The following CACNA1A variants were observed in gnomAD, a reference collection of about 807,000 sequenced individuals.
The protein encoded by CACNA1A is calcium voltage-gated channel subunit alpha1 A, also known as voltage-dependent P/Q-type calcium channel subunit alpha-1A.
CACNA1A carries 57 observed loss-of-function variants against 262.4 expected under a neutral mutation model. That is an observed-to-expected ratio of 0.22 (90% CI 0.18 to 0.27). The LOEUF (loss-of-function observed/expected upper bound fraction) is 0.27. Ranked by LOEUF, CACNA1A falls within the 10% of genes least tolerant of loss-of-function variation. The pLI, the probability that CACNA1A is intolerant of heterozygous loss-of-function variation, is 1.00. For synonymous variants in CACNA1A, 1,431 were observed against 1,419.3 expected (o/e 1.01, Z -0.18); for missense variants, 2,526 against 3,562.8 (o/e 0.71, Z 7.41).
chr19:13,466,544 T>C (rs1370110344), intron 1 of CACNA1A, among the ~76,000 whole-genome samples: 3 of 152,126 alleles, frequency 2.0e-5, no homozygotes, highest in Non-Finnish European at 2.9e-5. Flanking sequence ...TTTCACCATG[T>C]TGGCCAGACT....
In CACNA1A at chr19:13,266,822, G is replaced by A. The variant is rs111600753; in HGVS notation, c.3990-3989C>T. Among the ~76,000 whole-genome samples the A allele has an allele frequency of 7.8e-3, 1,191 of 152,184 alleles. 18 individuals carry two copies. The highest frequency in any genetic ancestry group is 0.027 in the African/African-American group (1,113 of 41,510). ...ACTCCTGACCTCAAGTGATCTACCCGCCTCGGCCTCCCAAAATGCTGGGAT... is the reference window on the plus strand; with the variant it reads ...ACTCCTGACCTCAAGTGATCTACCCACCTCGGCCTCCCAAAATGCTGGGAT... On this transcript the variant is annotated intron_variant, in intron 24 of 46. Coordinates refer to ENST00000360228, the MANE Select transcript of CACNA1A (RefSeq NM_001127222.2).
chr19:13,489,890 A>T (rs1980549029), intron 1 of CACNA1A, among the ~76,000 whole-genome samples: 1 of 152,028 alleles, frequency 6.6e-6, no homozygotes. Context: ...TCACCTCCAA[A>T]TGCAGCTAAG....
chr19:13,346,648 ATATATATATATATATATATTTTTTTTT>A (rs2058782032), intron 6 of CACNA1A, among the ~76,000 whole-genome samples: 12 of 5,920 alleles, frequency 2.0e-3, no homozygotes, highest in South Asian at 0.022. Flanking sequence ...ATATATATAT[ATATATATATATATATATATTTTTTTTT>A]TTTTTTTTTT....
In CACNA1A at chr19:13,308,794, A is replaced by C. The variant is rs1393605858; in HGVS notation, c.1669-266T>G. The C allele has an allele frequency of 3.5e-6, 1 of 285,700 alleles. No individual in the cohort carries two copies. The highest frequency in any genetic ancestry group is 2.2e-5 in the African/African-American group (1 of 45,848). The allele number at this position is 285,700 out of a possible 1,614,324, so 17.7% of individuals were successfully genotyped here. Reference sequence around the variant, plus strand: ...TGGGCTTAAGTGATCCTCCCACCTCAGCCTCTTGAGTAGCTGGGATTACAG... The same window carrying C: ...TGGGCTTAAGTGATCCTCCCACCTCCGCCTCTTGAGTAGCTGGGATTACAG... On this transcript the variant is annotated intron_variant, in intron 12 of 46. Transcript: ENST00000360228. This position sits in a 1 kb window ranked among gnomAD's most constrained non-coding sequence, Gnocchi z 4.2.
chr19:13,405,575 G>C (rs562791357), intron 3 of CACNA1A, among the ~76,000 whole-genome samples: 1 of 152,010 alleles, frequency 6.6e-6, no homozygotes, highest in Non-Finnish European at 1.5e-5. Flanking sequence ...ACAAGGAGCC[G>C]GATACTGTTC....
At position 13,212,531 on chromosome 19, in the gene CACNA1A, G is replaced by C. The variant is rs1268738297; in HGVS notation, c.6051-9C>G. ...CGCTTTCGTGAGCCATCCTGCATGGGGGACAGAGGCCGGGGTAGCAGTGGG... is the reference window on the plus strand; with the variant it reads ...CGCTTTCGTGAGCCATCCTGCATGGCGGACAGAGGCCGGGGTAGCAGTGGG... On this transcript the variant is annotated splice_polypyrimidine_tract_variant and intron_variant, in intron 41 of 46. Coordinates refer to ENST00000360228, the MANE Select transcript of CACNA1A (RefSeq NM_001127222.2). This position sits in a 1 kb window ranked among gnomAD's most constrained non-coding sequence, Gnocchi z 5.6. The C allele has an allele frequency of 2.6e-6, 4 of 1,560,860 alleles. No homozygotes were observed. In the South Asian group the frequency reaches 3.5e-5, roughly 14 times the overall value.
chr19:13,482,833 CTTCT>C (rs1188628611), intron 1 of CACNA1A, among the ~76,000 whole-genome samples: 20 of 149,022 alleles, frequency 1.3e-4, no homozygotes. Flanking sequence ...TCTCTCCCCC[CTTCT>C]TTCTCTCAAC....
chr19:13,397,688 T>C (rs1258301038), intron 3 of CACNA1A, among the ~76,000 whole-genome samples: 3 of 152,216 alleles, frequency 2.0e-5, no homozygotes, highest in African/African-American at 4.8e-5. Flanking sequence ...CTCTCCTTCC[T>C]GGATGCTCAG....
intron 3 of CACNA1A, among the ~76,000 whole-genome samples, chr19:13,402,297 G>A (rs1007499110): frequency 3.3e-5 from 5 of 152,150 alleles, no homozygotes; most frequent in African/African-American, 1.2e-4. Flanking sequence ...GAAACAAGAA[G>A]GGATCTGGGA....
chr19:13,281,562 A>G (rs1178380365), intron 22 of CACNA1A, among the ~76,000 whole-genome samples: 1 of 151,618 alleles, frequency 6.6e-6, no homozygotes, highest in African/African-American at 2.4e-5. Context: ...GGTGCTGAGC[A>G]ACATCCCTGG....
At chr19:13,428,158 C>T (rs533946978) in intron 3 of CACNA1A, among the ~76,000 whole-genome samples, 7 of 152,338 alleles carry the variant, frequency 4.6e-5, no homozygotes, top group African/African-American at 1.4e-4. Context: ...GAACTCCTGA[C>T]CTCAGGTGAT....
chr19:13,385,873 G>A (rs908575597), intron 3 of CACNA1A, among the ~76,000 whole-genome samples: 4 of 151,948 alleles, frequency 2.6e-5, no homozygotes, highest in Non-Finnish European at 5.9e-5. Flanking sequence ...TTAAAGAAGA[G>A]AGTCCAGGCG....
chr19:13,490,193 A>T lies in CACNA1A; in HGVS notation c.293+15739T>A, dbSNP rs578197215. Among the ~76,000 whole-genome samples the T allele has an allele frequency of 2.0e-5, 3 of 152,354 alleles. No homozygotes were observed. In the South Asian group the frequency reaches 6.2e-4, roughly 32 times the overall value. On this transcript the variant is annotated intron_variant, in intron 1 of 46. Coordinates refer to ENST00000360228, the MANE Select transcript of CACNA1A (RefSeq NM_001127222.2). ...GTGCCACGCATGATGTTTTACAGTC[A>T]CCATCCACTTAATCCTTGCAACATT... is the stretch of plus-strand genomic sequence containing the variant.
At chr19:13,288,735 C>T (rs1268509991) in intron 19 of CACNA1A, among the ~76,000 whole-genome samples, 1 of 151,954 alleles carries the variant, frequency 6.6e-6, no homozygotes, top group Non-Finnish European at 1.5e-5. Flanking sequence ...GACTACAGAC[C>T]CCTGGACAAC....
chr19:13,439,868 A>T (rs975848064), intron 3 of CACNA1A, among the ~76,000 whole-genome samples: 3 of 152,332 alleles, frequency 2.0e-5, no homozygotes, highest in East Asian at 1.9e-4. Context: ...CTGTAGCAGG[A>T]GGCCATGAAA....
Position 13,308,088 on chromosome 19 carries a change from A to G in CACNA1A, c.1913+32T>C. ...TGTTCCCTGAGCCTGACCCCAGGGAACCAGGAGTTGGAATTCCTGTGAAGG... is the reference window on the plus strand; with the variant it reads ...TGTTCCCTGAGCCTGACCCCAGGGAGCCAGGAGTTGGAATTCCTGTGAAGG... On this transcript the variant is annotated intron_variant, in intron 14 of 46. Transcript: ENST00000360228. The surrounding 1 kb of genome is among the most constrained non-coding windows in gnomAD (Gnocchi z 4.2). 1.2e-6 allele frequency: 2 copies of G among 1,612,676 alleles called. No homozygotes were observed. Among genetic ancestry groups the G allele is most frequent in the Non-Finnish European group, 8.5e-7 (1 of 1,179,096 alleles).
intron 3 of CACNA1A, chr19:13,452,397 G>C (rs566448362): frequency 3.3e-5 from 5 of 152,534 alleles, no homozygotes; most frequent in African/African-American, 4.8e-5. Context: ...CATTCACCAA[G>C]TTGAAATAAA....
rs143060805 is a variant in CACNA1A, at chr19:13,426,068, A to C, written c.539+26808T>G. Reference sequence around the variant, plus strand: ...GCGAGACTCTGTCTCAAAACAAAACAAAACAAAAAATAGTGTCCCATGGAA... The same window carrying C: ...GCGAGACTCTGTCTCAAAACAAAACCAAACAAAAAATAGTGTCCCATGGAA... On this transcript the variant is annotated intron_variant, in intron 3 of 46. Coordinates refer to ENST00000360228, the MANE Select transcript of CACNA1A (RefSeq NM_001127222.2). Among the ~76,000 whole-genome samples, 1,068 of 152,256 alleles carry C rather than the reference A, an allele frequency of 7.0e-3. 18 individuals are homozygous for C. The highest frequency in any genetic ancestry group is 0.024 in the African/African-American group (1,015 of 41,538).
chr19:13,467,948 G>C (rs1053453264), intron 1 of CACNA1A, among the ~76,000 whole-genome samples: 2 of 147,624 alleles, frequency 1.4e-5, no homozygotes, highest in Non-Finnish European at 3.0e-5. Context: ...ATATTTTACA[G>C]TTTTTAAAAA....
Sources: allele counts gnomAD v4.1 joint callset (sites outside exome capture counted in the v4.1 genomes callset), GRCh38; gene constraint gnomAD v4.1.1; non-coding constraint Gnocchi (gnomAD v3.1); transcripts MANE v1.5; gene names NCBI Gene and HGNC (gene_info 2026-07-23, HGNC 2026-07-21).